EIF3H: variants seen among roughly 807,000 people sequenced by gnomAD.
EIF3H encodes the protein eIF-3-gamma.
EIF3H carries 26 observed loss-of-function variants against 44.2 expected under a neutral mutation model. The ratio of observed to expected loss-of-function variants is 0.59; its 90% confidence interval spans 0.43 to 0.82. EIF3H has a LOEUF of 0.82. Among genes scored for constraint, EIF3H ranks in the 40% least tolerant of loss-of-function variants. The pLI is 0.00. For synonymous variants in EIF3H, 166 were observed against 151.9 expected, an observed-to-expected ratio of 1.09 and a Z score of -0.68; for missense variants, 359 against 432.8, an observed-to-expected ratio of 0.83 and a Z score of 1.51.
chr8:116,763,255 CAG>C (rs567013814), intron 1 of EIF3H, among the ~76,000 whole-genome samples: 180 of 152,208 alleles, frequency 1.2e-3, no homozygotes, highest in African/African-American at 4.1e-3. Flanking sequence ...TTTCGCATAA[CAG>C]AGTATCTCTA....
At chr8:116,709,481 G>T (rs552803617) in intron 2 of EIF3H, among the ~76,000 whole-genome samples, 1 of 152,102 alleles carries the variant, frequency 6.6e-6, no homozygotes, top group African/African-American at 2.4e-5. Flanking sequence ...TATCAAAAAG[G>T]TAACCATATG....
chr8:116,754,192 C>T (rs1040973595), intron 1 of EIF3H, among the ~76,000 whole-genome samples: 1 of 152,064 alleles, frequency 6.6e-6, no homozygotes, highest in Non-Finnish European at 1.5e-5. Context: ...CGGCTCACTG[C>T]AACCTCCGCC....
intron 2 of EIF3H, among the ~76,000 whole-genome samples, chr8:116,663,021 G>GA (rs1813607181): frequency 1.3e-5 from 2 of 152,128 alleles, no homozygotes; most frequent in Admixed American, 1.3e-4. Flanking sequence ...ATGAGGGAGG[G>GA]AAGAAGCCTC....
Position 116,642,426 on chromosome 8 carries a change from A to C in EIF3H, c.*2580T>G, listed in dbSNP as rs926120822. 1.2e-4 allele frequency: 19 copies of C among 152,212 alleles called. No individual in the cohort carries two copies. Among genetic ancestry groups the C allele is most frequent in the African/African-American group, 4.3e-4 (18 of 41,458 alleles). 9.4% of individuals were successfully genotyped at this position (152,212 alleles called of 1,614,324 possible). A position where few individuals can be genotyped will look rare whatever the true frequency, so the allele number is the denominator to read the frequency against. On this transcript the variant is annotated 3_prime_UTR_variant, in exon 8 of 8. Coordinates refer to ENST00000521861, the MANE Select transcript of EIF3H (RefSeq NM_003756.3). ...TTTCCAAGCTTCCAAAAATAGGTAAAAAAATTATTTTAGTTTAAGTTGATA... is the reference window on the plus strand; with the variant it reads ...TTTCCAAGCTTCCAAAAATAGGTAACAAAATTATTTTAGTTTAAGTTGATA...
At chr8:116,648,781 T>C (rs911749678) in intron 6 of EIF3H, 25 bp downstream of exon 6, 7 of 1,557,454 alleles carry the variant, frequency 4.5e-6, no homozygotes, top group African/African-American at 4.1e-5. Context: ...AATAGCTGTT[T>C]GTTGAATTTT....
intron 2 of EIF3H, among the ~76,000 whole-genome samples, chr8:116,670,238 ACAAAC>A (rs1813730404): frequency 6.6e-6 from 1 of 152,224 alleles, no homozygotes; most frequent in Admixed American, 6.5e-5. Context: ...GCAATGGAGA[ACAAAC>A]CAAATGTGCT....
At chr8:116,653,764 T>C (rs1813437544) in intron 5 of EIF3H, among the ~76,000 whole-genome samples, 1 of 152,236 alleles carries the variant, frequency 6.6e-6, no homozygotes, top group African/African-American at 2.4e-5. Flanking sequence ...AAGGCTGTTA[T>C]GGAATAACTA....
intron 2 of EIF3H, among the ~76,000 whole-genome samples, chr8:116,679,169 T>G (rs1413388968): frequency 9.2e-3 from 206 of 22,326 alleles, no homozygotes; most frequent in African/African-American, 0.011. Context: ...AGGGAGGTGG[T>G]GGGGGTCAGC....
chr8:116,648,703 G>A (rs988850768), intron 6 of EIF3H, 103 bp downstream of exon 6: 38 of 1,360,714 alleles, frequency 2.8e-5, no homozygotes, highest in East Asian at 1.8e-4. Context: ...AGTAGCTAAC[G>A]GTCAATAATT....
intron 2 of EIF3H, among the ~76,000 whole-genome samples, chr8:116,664,736 A>C (rs2130804921): frequency 6.6e-6 from 1 of 152,012 alleles, no homozygotes; most frequent in South Asian, 2.1e-4. Context: ...GTTATTAGGG[A>C]ACTCTTAATT....
intron 2 of EIF3H, among the ~76,000 whole-genome samples, chr8:116,663,571 A>T (rs567443117): frequency 2.0e-5 from 3 of 152,312 alleles, no homozygotes; most frequent in African/African-American, 7.2e-5. Flanking sequence ...CCTTTTAGGC[A>T]TTCTTAGTAC....
At chr8:116,759,036 T>G (rs75184232), upstream of EIF3H, among the ~76,000 whole-genome samples, 13 of 152,352 alleles carry the variant, frequency 8.5e-5, no homozygotes, top group African/African-American at 3.1e-4. Flanking sequence ...CTGAATGTAT[T>G]TAATCACTTA....
chr8:116,656,061 GACT>G (rs1175352490), intron 4 of EIF3H, 56 bp from the exon 5 acceptor site: 7 of 1,526,516 alleles, frequency 4.6e-6, no homozygotes, highest in Non-Finnish European at 5.3e-6. Flanking sequence ...GTGCTAAACT[GACT>G]ACTTCATAAA....
intron 2 of EIF3H, among the ~76,000 whole-genome samples, chr8:116,668,533 T>C (rs1408689462): frequency 6.6e-6 from 1 of 152,178 alleles, no homozygotes; most frequent in East Asian, 1.9e-4. Flanking sequence ...TTTCCCATAG[T>C]CACCTATAAC....
intron 1 of EIF3H, among the ~76,000 whole-genome samples, chr8:116,747,422 T>G (rs1815256254): frequency 6.6e-6 from 1 of 152,202 alleles, no homozygotes; most frequent in Admixed American, 6.5e-5. Flanking sequence ...TTCCATGTTC[T>G]CTGACTAAAG....
chr8:116,683,293 T>C (rs1814021296), intron 2 of EIF3H, among the ~76,000 whole-genome samples: 1 of 152,178 alleles, frequency 6.6e-6, no homozygotes, highest in South Asian at 2.1e-4. Context: ...TCTTACAATT[T>C]CTAGAGGCTG....
chr8:116,743,093 T>C (rs747867510), intron 1 of EIF3H, among the ~76,000 whole-genome samples: 1 of 152,188 alleles, frequency 6.6e-6, no homozygotes. Flanking sequence ...TTTTAAAGGC[T>C]ACCAGTAAAC....
intron 2 of EIF3H, chr8:116,697,201 C>T (rs1814284009): frequency 2.2e-6 from 1 of 456,106 alleles, no homozygotes; most frequent in South Asian, 1.5e-5. Flanking sequence ...TCCCTTTTTC[C>T]AGGGGTTGAC....
intron 2 of EIF3H, among the ~76,000 whole-genome samples, chr8:116,682,651 C>A (rs1563641884): frequency 6.6e-6 from 1 of 152,092 alleles, no homozygotes. Flanking sequence ...GCGATCTGTA[C>A]CTATTAAATT....
Sources: allele counts gnomAD v4.1 joint callset (sites outside exome capture counted in the v4.1 genomes callset), GRCh38; gene constraint gnomAD v4.1.1; transcripts MANE v1.5; gene names NCBI Gene and HGNC (gene_info 2026-07-23, HGNC 2026-07-21).